DISC1: variants seen among roughly 807,000 people sequenced by gnomAD.
The protein encoded by DISC1 is disrupted in schizophrenia 1 protein.
DISC1 carries 57 observed loss-of-function variants against 84.5 expected under a neutral mutation model. The ratio of observed to expected loss-of-function variants is 0.67; its 90% confidence interval spans 0.55 to 0.84. The LOEUF is 0.84. DISC1 is among the 40% of genes least tolerant of loss of function. The pLI, the probability that DISC1 is intolerant of heterozygous loss-of-function variation, is 0.00. For missense variants in DISC1, 1,000 were observed against 1,057.8 expected (o/e 0.95, Z 0.76); for synonymous variants, 411 against 415.2 (o/e 0.99, Z 0.12).
At chr1:231,721,294 A>G (rs113126847) in intron 3 of DISC1, among the ~76,000 whole-genome samples, 28 of 152,278 alleles carry the variant, frequency 1.8e-4, no homozygotes, top group African/African-American at 6.5e-4. Flanking sequence ...ACTACAGATG[A>G]GAAAAAAAAA....
intron 10 of DISC1, among the ~76,000 whole-genome samples, chr1:231,982,832 A>G (rs940233609): frequency 6.6e-6 from 1 of 152,226 alleles, no homozygotes; most frequent in African/African-American, 2.4e-5. Context: ...TCGTAAGAGC[A>G]AGGAGGTGAG....
chr1:231,660,235 T>G (rs2125362396), intron 1 of DISC1, among the ~76,000 whole-genome samples: 1 of 152,326 alleles, frequency 6.6e-6, no homozygotes, highest in Middle Eastern at 3.4e-3. Flanking sequence ...TGCCCTTCTT[T>G]ATATTTTTTG....
At chr1:231,750,278 C>T (rs2125326129) in intron 4 of DISC1, 1 of 1,377,386 alleles carries the variant, frequency 7.3e-7, no homozygotes, top group South Asian at 1.9e-5. Context: ...AGAAAGAAGA[C>T]TTTTCTGCCA....
chr1:231,974,841 C>T (rs1355126508), intron 10 of DISC1, among the ~76,000 whole-genome samples: 1 of 152,182 alleles, frequency 6.6e-6, no homozygotes. Context: ...TGGCTCACGC[C>T]TGTAATCCCA....
At chr1:231,916,181 G>T (rs2089606781) in intron 9 of DISC1, among the ~76,000 whole-genome samples, 1 of 152,200 alleles carries the variant, frequency 6.6e-6, no homozygotes, top group African/African-American at 2.4e-5. Flanking sequence ...GGGGGGCTTT[G>T]TAGCATCAAC....
At position 231,627,510 on chromosome 1, in the gene DISC1, A is replaced by C. The variant is rs143791981; in HGVS notation, c.67+576A>C. On this transcript the variant is annotated intron_variant, in intron 1 of 12. Coordinates refer to ENST00000439617, the MANE Select transcript of DISC1 (RefSeq NM_018662.3). ...AAATCAGTGTCACCGCCCACTTCCTACTTGGCTACAGTAACGGGGATGGCC... is the reference window on the plus strand; with the variant it reads ...AAATCAGTGTCACCGCCCACTTCCTCCTTGGCTACAGTAACGGGGATGGCC... Among the ~76,000 whole-genome samples, 1,039 of 152,212 alleles carry C rather than the reference A, an allele frequency of 6.8e-3. 21 individuals are homozygous for C. Among genetic ancestry groups the C allele is most frequent in the African/African-American group, 0.024 (989 of 41,534 alleles).
intron 9 of DISC1, among the ~76,000 whole-genome samples, chr1:231,879,117 A>G (rs1278693098): frequency 1.3e-5 from 2 of 151,090 alleles, no homozygotes; most frequent in Admixed American, 1.3e-4. Flanking sequence ...ATTTTGAAAT[A>G]TTTATATGAT....
intron 2 of DISC1, among the ~76,000 whole-genome samples, chr1:231,701,181 G>A (rs1393662711): frequency 6.6e-6 from 1 of 152,206 alleles, no homozygotes; most frequent in Non-Finnish European, 1.5e-5. Context: ...GAGGGCGCTT[G>A]TGCAGGGGAA....
chr1:231,953,847 A>G (rs1441375646), intron 9 of DISC1, among the ~76,000 whole-genome samples: 1 of 152,160 alleles, frequency 6.6e-6, no homozygotes, highest in African/African-American at 2.4e-5. Flanking sequence ...CCGTCTGAGG[A>G]TGCCTTCCTT....
intron 10 of DISC1, among the ~76,000 whole-genome samples, chr1:231,969,188 T>TTTTG (rs1481197019): frequency 7.0e-6 from 1 of 143,016 alleles, no homozygotes; most frequent in Admixed American, 7.0e-5. Flanking sequence ...ACTCAGCGGT[T>TTTTG]TTTTTTTTTT....
intron 9 of DISC1, among the ~76,000 whole-genome samples, chr1:231,936,966 C>A (rs2091018559): frequency 6.6e-6 from 1 of 152,312 alleles, no homozygotes; most frequent in South Asian, 2.1e-4. Flanking sequence ...CACCCTCCAA[C>A]TGACATATTT....
At chr1:231,955,531 C>T (rs1659331454) in intron 9 of DISC1, among the ~76,000 whole-genome samples, 1 of 150,234 alleles carries the variant, frequency 6.7e-6, no homozygotes, top group African/African-American at 2.4e-5. Context: ...TTTTTGTTGC[C>T]CAGGCTGGAG....
chr1:231,684,486 T>C (rs913479205), intron 1 of DISC1, among the ~76,000 whole-genome samples: 1 of 150,800 alleles, frequency 6.6e-6, no homozygotes, highest in African/African-American at 2.5e-5. Context: ...ATTGCATGCA[T>C]TTTTTCCTAT....
chr1:232,019,720 C>T (rs1668779570), intron 11 of DISC1, among the ~76,000 whole-genome samples: 1 of 152,136 alleles, frequency 6.6e-6, no homozygotes, highest in Non-Finnish European at 1.5e-5. Flanking sequence ...ACTGGATACT[C>T]ATGTTCTTAT....
intron 9 of DISC1, among the ~76,000 whole-genome samples, chr1:231,848,474 A>G (rs1479486620): frequency 1.3e-5 from 2 of 152,172 alleles, no homozygotes; most frequent in East Asian, 3.9e-4. Context: ...GCTAGTTAAA[A>G]TGCCAGGTGT....
At position 231,959,488 on chromosome 1, in the gene DISC1, G is replaced by A. The variant is rs79952244; in HGVS notation, c.2042+600G>A. The stretch of plus-strand genomic sequence containing the variant: ...TTCCTAATTAAGGCAACAAGTACTA[G>A]AGTGGAATATGCGCTTTCTTCCCTG... On this transcript the variant is annotated intron_variant, in intron 10 of 12. Coordinates refer to ENST00000439617, the MANE Select transcript of DISC1 (RefSeq NM_018662.3). 4,404 of 985,548 alleles carry A rather than the reference G, an allele frequency of 4.5e-3. 152 individuals carry two copies. In the African/African-American group the frequency reaches 0.07, roughly 16 times the overall value. 61.1% of individuals were successfully genotyped at this position (985,548 alleles called of 1,614,324 possible).
chr1:231,715,264 C>T (rs181021775), intron 3 of DISC1, among the ~76,000 whole-genome samples: 41 of 152,140 alleles, frequency 2.7e-4, no homozygotes, highest in Non-Finnish European at 4.4e-4. Flanking sequence ...TGCTTATTGC[C>T]TAGTGAAACA....
At position 231,886,762 on chromosome 1, in the gene DISC1, CCTTCCTTTCTTTCTTTCTTTCTTT is replaced by C. The variant is rs1200876560; in HGVS notation, c.1981+68249_1981+68272del. ...CTTTCTCTTTCTTCCTTTCTTCCTT[CCTTCCTTTCTTTCTTTCTTTCTTT>C]CTTTCTTTCTTTCTTTCTTTCTTTC... is the stretch of plus-strand genomic sequence containing the variant. On this transcript the variant is annotated intron_variant, in intron 9 of 12. Coordinates refer to ENST00000439617, the MANE Select transcript of DISC1 (RefSeq NM_018662.3). 9.2e-4 allele frequency among the ~76,000 whole-genome samples: 110 copies of C among 119,060 alleles called. 1 individual carries two copies. The highest frequency in any genetic ancestry group is 1.1e-3 in the African/African-American group (35 of 30,936). The allele number at this position is 119,060 out of a possible 152,430, so 78.1% of individuals were successfully genotyped here. A position where few individuals can be genotyped will look rare whatever the true frequency, so the allele number is the denominator to read the frequency against.
intron 6 of DISC1, chr1:231,774,774 G>A: frequency 2.2e-6 from 1 of 456,020 alleles, no homozygotes; most frequent in South Asian, 1.5e-5. Flanking sequence ...CTGCAGAAGT[G>A]AAGCATTTGA....
Sources: allele counts gnomAD v4.1 joint callset (sites outside exome capture counted in the v4.1 genomes callset), GRCh38; gene constraint gnomAD v4.1.1; transcripts MANE v1.5; gene names NCBI Gene and HGNC (gene_info 2026-07-23, HGNC 2026-07-21).